The following DOP1B variants were observed in gnomAD, a reference collection of about 807,000 sequenced individuals.
DOP1B encodes DOP1 leucine zipper like protein B, also known as protein DOP1B.
In DOP1B, 174 loss-of-function variants were observed where a neutral mutation model predicts 233.5. That is an observed-to-expected ratio of 0.75 (90% CI 0.66 to 0.85). The LOEUF is 0.85. DOP1B is among the 40% of genes least tolerant of loss of function. DOP1B has a pLI of 0.00. For missense variants in DOP1B, 2,652 were observed against 2,846.6 expected (o/e 0.93, Z 1.56); for synonymous variants, 1,190 against 1,185.6 (o/e 1.00, Z -0.08).
chr21:36,201,292 C>T (rs1168447530), intron 4 of DOP1B, among the ~76,000 whole-genome samples: 1 of 150,904 alleles, frequency 6.6e-6, no homozygotes, highest in Non-Finnish European at 1.5e-5. Context: ...TTCCCAGTCG[C>T]ACAGTCAGTG....
intron 5 of DOP1B, among the ~76,000 whole-genome samples, chr21:36,209,708 C>T (rs897096675): frequency 6.6e-6 from 1 of 152,226 alleles, no homozygotes; most frequent in Non-Finnish European, 1.5e-5. Flanking sequence ...GCTCTCTTCC[C>T]TGGTAACGAC....
intron 2 of DOP1B, chr21:36,169,451 G>A: frequency 9.3e-7 from 1 of 1,069,960 alleles, no homozygotes; most frequent in South Asian, 1.3e-5. Context: ...GCCTCGGTGG[G>A]TCTTGTGGGG....
intron 14 of DOP1B, 152 bp downstream of exon 14, chr21:36,231,286 A>C: frequency 9.8e-7 from 1 of 1,021,006 alleles, no homozygotes. Context: ...CCTTACACTT[A>C]CCGATTCAGC....
chr21:36,185,595 C>T (rs2066155502), intron 2 of DOP1B, among the ~76,000 whole-genome samples: 1 of 152,152 alleles, frequency 6.6e-6, no homozygotes, highest in South Asian at 2.1e-4. Context: ...TCGGCCAGCG[C>T]CTTGTGAAGC....
rs373311637 is a variant in DOP1B at position 36,270,015 on chromosome 21, A to G, written c.5490A>G (p.Glu1830=). 9.9e-6 allele frequency: 16 copies of G among 1,613,952 alleles called. No homozygotes were observed. Among genetic ancestry groups the G allele is most frequent in the Non-Finnish European group, 1.3e-5 (15 of 1,179,934 alleles). ...CCCCTCCTCCTGATAATTCTCAGGA[A>G]ATCACTCAGAAAATCCTAGAAGCTG... The part of the protein sequence containing the change: ...ENKKDQKDLQ[E]ITQKILEAVG... The change falls in exon 27 of 37, where the codon GAA becomes GAG. Residue 1830 remains glutamate, a splice_region_variant and synonymous_variant. Coordinates refer to ENST00000691173, the MANE Select transcript of DOP1B (RefSeq NM_001320714.2).
At chr21:36,269,482 G>T (rs1405662077) in intron 26 of DOP1B, among the ~76,000 whole-genome samples, 1 of 151,876 alleles carries the variant, frequency 6.6e-6, no homozygotes, top group Non-Finnish European at 1.5e-5. Flanking sequence ...TTGAGTGCAT[G>T]TTGATAATAT....
chr21:36,201,102 CAG>C (rs1246696949), intron 4 of DOP1B, among the ~76,000 whole-genome samples: 1 of 152,166 alleles, frequency 6.6e-6, no homozygotes, highest in Non-Finnish European at 1.5e-5. Context: ...GAGTTACCCA[CAG>C]AGTCACCATG....
chr21:36,215,074 T>G (rs2066543909), intron 9 of DOP1B, among the ~76,000 whole-genome samples: 1 of 152,124 alleles, frequency 6.6e-6, no homozygotes, highest in Admixed American at 6.5e-5. Flanking sequence ...ATTTGAACAT[T>G]TTTTGTTAGG....
At chr21:36,196,499 G>T (rs1468685614) in intron 2 of DOP1B, among the ~76,000 whole-genome samples, 1 of 150,936 alleles carries the variant, frequency 6.6e-6, no homozygotes, top group Non-Finnish European at 1.5e-5. Flanking sequence ...CAGTGTGGAA[G>T]TTAAGTGGCC....
At chr21:36,239,232 T>A (rs1443879300) in intron 17 of DOP1B, among the ~76,000 whole-genome samples, 1 of 152,206 alleles carries the variant, frequency 6.6e-6, no homozygotes, top group African/African-American at 2.4e-5. Context: ...TTGGTTGGGA[T>A]GTGAGGAATC....
rs781392529 is a variant in DOP1B at position 36,239,853 on chromosome 21, C to T, written c.2965C>T (p.Leu989Phe). Reference protein sequence around the residue: ...AQGWLVRALSLGDVARILEPV... With the variant: ...AQGWLVRALSFGDVARILEPV... The stretch of plus-strand genomic sequence containing the variant: ...GGGCTGGCTGGTGCGTGCGCTCTCC[C>T]TCGGGGACGTGGCTCGCATCCTCGA... Residue 989 changes from leucine to phenylalanine, a missense_variant, in exon 18 of 37, where the codon CTC becomes TTC. Physicochemically the swap from Leu to Phe is conservative, Grantham distance 22. This residue lies in a region of DOP1B where 2,617 missense variants were observed against 2,794.3 expected (regional missense o/e 0.94). Transcript: ENST00000691173. 2 of 1,591,144 alleles carry T rather than the reference C, an allele frequency of 1.3e-6. No individual in the cohort carries two copies. The highest frequency in any genetic ancestry group is 1.7e-6 in the Non-Finnish European group (2 of 1,170,456).
intron 32 of DOP1B, among the ~76,000 whole-genome samples, chr21:36,283,613 G>A (rs2067444426): frequency 6.6e-6 from 1 of 152,154 alleles, no homozygotes; most frequent in South Asian, 2.1e-4. Context: ...GTGATAGGAG[G>A]ATGATTTAAT....
intron 31 of DOP1B, among the ~76,000 whole-genome samples, chr21:36,280,626 A>G (rs2067404476): frequency 6.6e-6 from 1 of 152,206 alleles, no homozygotes; most frequent in African/African-American, 2.4e-5. Flanking sequence ...TTGTGCTGAA[A>G]GTAATAAGTT....
Position 36,227,742 on chromosome 21 carries a change from G to A in DOP1B, c.1530G>A (p.Val510=). Reference sequence around the variant, plus strand: ...TCCCTCAGGTGCTCGGCTGCCTGGTGCAGCCTCTTGCTGAGGACATGGAGG... The same window carrying A: ...TCCCTCAGGTGCTCGGCTGCCTGGTACAGCCTCTTGCTGAGGACATGGAGG... ...QYLPQVLGCL[V]QPLAEDMEAL... The change falls in exon 13 of 37, where the codon GTG becomes GTA. Residue 510 remains valine (V), a synonymous_variant. Transcript: ENST00000691173. 1.2e-6 allele frequency: 2 copies of A among 1,611,182 alleles called. No homozygotes were observed. The highest frequency in any genetic ancestry group is 1.1e-5 in the South Asian group (1 of 90,896).
rs138389756 is a variant in DOP1B, at chr21:36,158,343, A to C, written c.-27+1400A>C. Reference sequence around the variant, plus strand: ...ATTTGAGAACTGAACCAATAATTTTATCAGTAGCATAATGTAGTGGAGACC... The same window carrying C: ...ATTTGAGAACTGAACCAATAATTTTCTCAGTAGCATAATGTAGTGGAGACC... On this transcript the variant is annotated intron_variant, in intron 1 of 36. Transcript: ENST00000691173. Among the ~76,000 whole-genome samples, 14 of 152,310 alleles carry C rather than the reference A, an allele frequency of 9.2e-5. No homozygotes were observed. The East Asian group carries it at 1.7e-3, about 19-fold the overall frequency.
At chr21:36,162,351 C>T (rs2065876789) in intron 1 of DOP1B, among the ~76,000 whole-genome samples, 1 of 152,138 alleles carries the variant, frequency 6.6e-6, no homozygotes, top group South Asian at 2.1e-4. Flanking sequence ...TGTGCCACTA[C>T]ACCCTGCTAA....
rs140517565 is a variant in DOP1B at position 36,174,360 on chromosome 21, C to A, written c.138+9489C>A. Reference sequence around the variant, plus strand: ...AAAATTAGCCGGGCGTGATGGCAGGCACCTGTAATCCCAGCTACTTGGGAG... The same window carrying A: ...AAAATTAGCCGGGCGTGATGGCAGGAACCTGTAATCCCAGCTACTTGGGAG... On this transcript the variant is annotated intron_variant, in intron 2 of 36. Coordinates refer to ENST00000691173, the MANE Select transcript of DOP1B (RefSeq NM_001320714.2). Among the ~76,000 whole-genome samples the A allele has an allele frequency of 9.7e-3, 1,481 of 152,246 alleles. 23 individuals are homozygous for A. The highest frequency in any genetic ancestry group is 0.032 in the African/African-American group (1,326 of 41,532).
chr21:36,218,756 T>C (rs1171874166), intron 9 of DOP1B, among the ~76,000 whole-genome samples: 1 of 152,204 alleles, frequency 6.6e-6, no homozygotes, highest in East Asian at 1.9e-4. Flanking sequence ...AGGGTTGCGG[T>C]TTGCGGAGCA....
chr21:36,227,211 A>T lies in DOP1B; in HGVS notation c.1474-475A>T, dbSNP rs542089160. ...TGACAGAGTGAGACTTCATCTCAAA[A>T]AAATAAATAAATAAATAAATAAAAT... On this transcript the variant is annotated intron_variant, in intron 12 of 36. Transcript: ENST00000691173. Among the ~76,000 whole-genome samples, 25 of 150,464 alleles carry T rather than the reference A, an allele frequency of 1.7e-4. 1 individual carries two copies. The South Asian group carries it at 2.1e-3, about 13-fold the overall frequency.
Sources: gnomAD v4.1 joint callset for allele counts (sites outside exome capture counted in the v4.1 genomes callset) on GRCh38, gnomAD v4.1.1 for gene constraint, gnomAD v4.1.1 regional missense constraint, MANE v1.5 for transcripts, NCBI Gene and HGNC (gene_info 2026-07-23, HGNC 2026-07-21) for gene names.